Variants in PRAMEF5 observed in about 807,000 individuals in gnomAD.
The protein encoded by PRAMEF5 is PRAME family member 5, also known as PRAME family member 23.
A neutral mutation model predicts 16.4 loss-of-function variants in PRAMEF5; 5 were observed. The observed-to-expected ratio is 0.30, with a 90% CI of 0.16 to 0.64. The LOEUF (loss-of-function observed/expected upper bound fraction) is 0.64. PRAMEF5 is among the 30% of genes least tolerant of loss of function. The pLI is 0.80. For missense variants in PRAMEF5, 36 were observed against 282.9 expected (o/e 0.13, Z 6.26); for synonymous variants, 19 against 107.3 (o/e 0.18, Z 5.09).
At chr1:13,261,972 A>C (rs1455356127) in intron 3 of PRAMEF5, 2 of 84,518 alleles carry the variant, frequency 2.4e-5, no homozygotes, top group African/African-American at 8.3e-5. Flanking sequence ...TCTGCCTGAC[A>C]GATGAGGAAA....
In PRAMEF5 at chr1:13,260,384, C is replaced by T. The variant is rs1553173506; in HGVS notation, c.450C>T (p.Phe150=). 161 of 1,531,202 alleles carry T rather than the reference C, an allele frequency of 1.1e-4. 1 individual carries two copies. Among genetic ancestry groups the T allele is most frequent in the African/African-American group, 4.0e-4 (29 of 72,880 alleles). 94.9% of individuals were successfully genotyped at this position (1,531,202 alleles called of 1,614,324 possible). ...GAGGACAGCAGCCCTTGACTGTGTT[C>T]GTAGAACTTTGGCTCAAGAACAGGA... The change falls in exon 3 of 4, where the codon TTC becomes TTT. Residue 150 remains phenylalanine, a synonymous_variant. Transcript: ENST00000622421.
exon 3 of PRAMEF5, chr1:13,260,500 G>C: frequency 8.3e-7 from 1 of 1,211,820 alleles, no homozygotes; most frequent in Non-Finnish European, 1.1e-6. Context: ...AAAATTTTGG[G>C]AATGCCCTTC....
downstream of PRAMEF5, chr1:13,263,428 A>G: frequency 2.0e-6 from 1 of 500,702 alleles, no homozygotes; most frequent in Non-Finnish European, 3.5e-6. Context: ...AAATAAAGGA[A>G]AACTGAGTGG....
intron 2 of PRAMEF5, 182 bp from the exon 3 acceptor site, chr1:13,260,040 C>G (rs1363427304): frequency 2.3e-6 from 2 of 855,120 alleles, no homozygotes; most frequent in Non-Finnish European, 1.8e-6. Flanking sequence ...CAGAGGGAGA[C>G]GTGGTCTCAA....
chr1:13,260,173 T>C, intron 2 of PRAMEF5, 49 bp from the exon 3 acceptor site: 1 of 1,559,816 alleles, frequency 6.4e-7, no homozygotes, highest in Non-Finnish European at 8.8e-7. Context: ...GGAGTTTAAG[T>C]TCAGAAATGA....
intron 2 of PRAMEF5, chr1:13,259,947 G>T (rs1251298823): frequency 6.1e-6 from 3 of 493,784 alleles, no homozygotes; most frequent in South Asian, 2.3e-5. Flanking sequence ...TACTTGTGAG[G>T]TTGAGGCAGG....
chr1:13,260,249 A>T (rs1639376348), exon 3 of PRAMEF5: 1 of 1,586,974 alleles, frequency 6.3e-7, no homozygotes, highest in African/African-American at 1.3e-5. Context: ...TGCTGGATTT[A>T]CAGGATGTCT....
At chr1:13,260,647 T>A (rs2100217383) in exon 3 of PRAMEF5, 2 of 481,228 alleles carry the variant, frequency 4.2e-6, no homozygotes. Context: ...CAGAAGCTCG[T>A]TCTCTCCCAC....
chr1:13,261,137 G>A, intron 3 of PRAMEF5: 1 of 10,222 alleles, frequency 9.8e-5, no homozygotes, highest in Admixed American at 3.5e-4. Flanking sequence ...GGCCAGGGGC[G>A]GTGGCTCATG....
Position 13,260,064 on chromosome 1 carries a change from A to C in PRAMEF5, c.288-158A>C, listed in dbSNP as rs587593998. On this transcript the variant is annotated intron_variant, in intron 2 of 3. Transcript: ENST00000622421. Reference sequence around the variant, plus strand: ...ACGTGGTCTCAAAAGAAAAACAAAAAAATGTGGAAGTGGGCAGGATCCAAG... The same window carrying C: ...ACGTGGTCTCAAAAGAAAAACAAAACAATGTGGAAGTGGGCAGGATCCAAG... 1,247 of 1,181,658 alleles carry C rather than the reference A, an allele frequency of 1.1e-3. 2 individuals are homozygous for C. In the African/African-American group the frequency reaches 0.015, roughly 14 times the overall value. The allele number at this position is 1,181,658 out of a possible 1,614,324, so 73.2% of individuals were successfully genotyped here. A position where few individuals can be genotyped will look rare whatever the true frequency, so the allele number is the denominator to read the frequency against.
intron 3 of PRAMEF5, chr1:13,262,141 A>C (rs1338521825): frequency 7.3e-6 from 1 of 137,568 alleles, no homozygotes; most frequent in Non-Finnish European, 1.5e-5. Flanking sequence ...TGCTCACTGC[A>C]ACCTACACCT....
rs1553173655 is a variant in PRAMEF5 at position 13,260,082 on chromosome 1, G to A, written c.288-140G>A. 3.4e-4 allele frequency: 474 copies of A among 1,395,690 alleles called. 30 individuals are homozygous for A. The East Asian group carries it at 0.011, about 33-fold the overall frequency. The allele number at this position is 1,395,690 out of a possible 1,614,324, so 86.5% of individuals were successfully genotyped here. ...AACAAAAAAATGTGGAAGTGGGCAG[G>A]ATCCAAGGGGAAAACAGGGTGAAGA... On this transcript the variant is annotated intron_variant, in intron 2 of 3. Transcript: ENST00000622421.
chr1:13,260,766 G>C, exon 3 of PRAMEF5: 1 of 402,874 alleles, frequency 2.5e-6, no homozygotes, highest in South Asian at 2.4e-5. Flanking sequence ...TATGAACTCT[G>C]TTTCTTTCCT....
chr1:13,259,932 C>T, intron 2 of PRAMEF5: 1 of 474,636 alleles, frequency 2.1e-6, no homozygotes, highest in Non-Finnish European at 3.8e-6. Flanking sequence ...TCCTGTAATC[C>T]CAGCTACTTG....
intron 2 of PRAMEF5, 67 bp from the exon 3 acceptor site, chr1:13,260,155 C>A (rs1639373603): frequency 1.9e-6 from 3 of 1,552,506 alleles, no homozygotes; most frequent in Non-Finnish European, 1.8e-6. Flanking sequence ...AGCTGCTCTC[C>A]AGGATGTGGA....
chr1:13,261,797 A>T (rs1461270620), intron 3 of PRAMEF5: 1 of 21,632 alleles, frequency 4.6e-5, no homozygotes, highest in African/African-American at 1.4e-4. Context: ...AGGGTCAGGG[A>T]GCAGGCACAA....
chr1:13,260,383 T>A, exon 3 of PRAMEF5: 1 of 1,532,136 alleles, frequency 6.5e-7, no homozygotes, highest in Non-Finnish European at 8.9e-7. Context: ...TTGACTGTGT[T>A]CGTAGAACTT....
intron 2 of PRAMEF5, 162 bp from the exon 3 acceptor site, chr1:13,260,060 A>C (rs1217690486): frequency 8.8e-7 from 1 of 1,132,262 alleles, no homozygotes; most frequent in Non-Finnish European, 1.2e-6. Context: ...AAAGAAAAAC[A>C]AAAAAATGTG....
chr1:13,259,964 A>C lies in PRAMEF5; in HGVS notation c.288-258A>C, dbSNP rs1553173697. The C allele has an allele frequency of 1.5e-3, 767 of 510,948 alleles. 6 individuals are homozygous for C. The Admixed American group carries it at 0.024, about 16-fold the overall frequency. The allele number at this position is 510,948 out of a possible 1,614,324, so 31.7% of individuals were successfully genotyped here. ...CTTGTGAGGTTGAGGCAGGAGAATC[A>C]TTTGAACCCGGGAAGCAGAGGTTGC... On this transcript the variant is annotated intron_variant, in intron 2 of 3. Coordinates refer to ENST00000622421, the Ensembl canonical transcript of PRAMEF5.
Sources: allele counts gnomAD v4.1 joint callset, GRCh38; gene constraint gnomAD v4.1.1; transcripts MANE v1.5; gene names NCBI Gene and HGNC (gene_info 2026-07-23, HGNC 2026-07-21).